The following ZC3H12B variants were observed in gnomAD, a reference collection of about 807,000 sequenced individuals.
ZC3H12B encodes the protein probable ribonuclease ZC3H12B.
ZC3H12B carries 7 observed loss-of-function variants against 43.9 expected under a neutral mutation model. That is an observed-to-expected ratio of 0.16 (90% CI 0.09 to 0.30). The LOEUF (loss-of-function observed/expected upper bound fraction) is 0.30, where lower values mean the gene tolerates loss of function less well. Ranked by LOEUF, ZC3H12B falls within the 10% of genes least tolerant of loss-of-function variation. ZC3H12B has a pLI of 1.00. For synonymous variants in ZC3H12B, 222 were observed against 241.7 expected (o/e 0.92, Z 0.76); for missense variants, 475 against 670.2 (o/e 0.71, Z 3.22).
chrX:65,131,693 G>A, the ZC3H12B span, among the ~76,000 whole-genome samples: 1 of 111,706 alleles, frequency 9.0e-6, no homozygotes, highest in Non-Finnish European at 1.9e-5. Flanking sequence ...GGAAGGAAAG[G>A]AATTGTTGTT....
intron 2 of ZC3H12B, among the ~76,000 whole-genome samples, chrX:65,377,990 T>C (rs767178428): frequency 1.6e-4 from 18 of 110,293 alleles, no homozygotes; most frequent in Non-Finnish European, 3.0e-4. Context: ...TCCCAGCTAC[T>C]CGGGAGACTG....
intron 2 of ZC3H12B, among the ~76,000 whole-genome samples, chrX:65,379,338 C>G (rs1261787540): frequency 9.0e-6 from 1 of 111,515 alleles, no homozygotes; most frequent in Non-Finnish European, 1.9e-5. Context: ...CACCCCCCAG[C>G]AAGGGCAGAC....
intron 3 of ZC3H12B, among the ~76,000 whole-genome samples, chrX:65,475,306 G>A (rs1602507038): frequency 8.9e-6 from 1 of 111,748 alleles, no homozygotes; most frequent in South Asian, 3.7e-4. Context: ...AGTTTGAAGA[G>A]TTCCCATAAA....
the ZC3H12B span, among the ~76,000 whole-genome samples, chrX:65,163,346 T>C: frequency 9.0e-6 from 1 of 111,486 alleles, no homozygotes. Context: ...TGCTGTCTTT[T>C]TGTTTGTCTG....
chrX:65,443,193 G>T (rs1207432598), intron 3 of ZC3H12B, among the ~76,000 whole-genome samples: 1 of 111,406 alleles, frequency 9.0e-6, no homozygotes, highest in Non-Finnish European at 1.9e-5. Flanking sequence ...CTGTCCCATT[G>T]TTACCCTGAC....
At chrX:65,119,468 A>G in the ZC3H12B span, among the ~76,000 whole-genome samples, 52 of 112,119 alleles carry the variant, frequency 4.6e-4, 1 homozygote, top group Middle Eastern at 0.018. Context: ...GTGTCCGTTC[A>G]TATCCTTCAT....
the ZC3H12B span, among the ~76,000 whole-genome samples, chrX:65,116,333 GC>G: frequency 9.0e-6 from 1 of 110,880 alleles, no homozygotes; most frequent in Non-Finnish European, 1.9e-5. Flanking sequence ...GTTTCTGTTT[GC>G]TTTGTCTAAC....
chrX:65,383,090 T>C (rs1192267688), intron 2 of ZC3H12B, among the ~76,000 whole-genome samples: 1 of 111,430 alleles, frequency 9.0e-6, no homozygotes, highest in African/African-American at 3.3e-5. Context: ...CTTCACAGAA[T>C]TGGAAAAATC....
intron 3 of ZC3H12B, among the ~76,000 whole-genome samples, chrX:65,437,535 G>A (rs1022471816): frequency 1.8e-5 from 2 of 112,066 alleles, no homozygotes; most frequent in African/African-American, 3.2e-5. Flanking sequence ...TTTGGCATTT[G>A]TATGTCTTCT....
chrX:65,345,545 G>T, the ZC3H12B span, among the ~76,000 whole-genome samples: 1 of 111,238 alleles, frequency 9.0e-6, no homozygotes, highest in Middle Eastern at 4.7e-3. Flanking sequence ...CCTACTGGAG[G>T]GTGGAGTGTG....
At chrX:65,368,018 AT>A (rs749454640) in intron 1 of ZC3H12B, among the ~76,000 whole-genome samples, 67 of 112,275 alleles carry the variant, frequency 6.0e-4, no homozygotes, top group African/African-American at 2.1e-3. Context: ...CTTCTGGACC[AT>A]AGTTTAATGA....
chrX:65,039,907 A>G, the ZC3H12B span, among the ~76,000 whole-genome samples: 3 of 111,219 alleles, frequency 2.7e-5, no homozygotes, highest in African/African-American at 9.8e-5. Context: ...GGATCCTTTC[A>G]TTTGGATTGT....
chrX:65,084,726 C>T, the ZC3H12B span, among the ~76,000 whole-genome samples: 1 of 112,573 alleles, frequency 8.9e-6, no homozygotes, highest in Non-Finnish European at 1.9e-5. Context: ...GAAAATTGAG[C>T]TACTATGCGA....
upstream of ZC3H12B, among the ~76,000 whole-genome samples, chrX:65,364,174 G>A (rs185080548): frequency 9.0e-6 from 1 of 110,561 alleles, no homozygotes; most frequent in African/African-American, 3.3e-5. Context: ...TATCATTGAG[G>A]CTACCGCTCT....
At chrX:65,404,832 A>T (rs1236973027) in intron 3 of ZC3H12B, among the ~76,000 whole-genome samples, 1 of 112,147 alleles carries the variant, frequency 8.9e-6, no homozygotes, top group African/African-American at 3.2e-5. Flanking sequence ...ATCAGACTTG[A>T]TCTGCAGTAT....
intron 2 of ZC3H12B, among the ~76,000 whole-genome samples, chrX:65,388,919 C>T (rs1007711562): frequency 8.9e-6 from 1 of 111,904 alleles, no homozygotes; most frequent in African/African-American, 3.2e-5. Flanking sequence ...ATCCTGTTTC[C>T]TGGGTATCAG....
chrX:65,146,979 A>G, the ZC3H12B span, among the ~76,000 whole-genome samples: 33 of 111,875 alleles, frequency 2.9e-4, no homozygotes, highest in Admixed American at 3.1e-3. Context: ...AAGCCTCCAC[A>G]TGCCACTCTG....
the ZC3H12B span, among the ~76,000 whole-genome samples, chrX:65,354,911 GA>G: frequency 2.7e-5 from 3 of 111,114 alleles, no homozygotes; most frequent in East Asian, 2.8e-4. Context: ...CAAGATTAGA[GA>G]AAAAAAATGA....
the ZC3H12B span, among the ~76,000 whole-genome samples, chrX:65,248,923 G>A: frequency 1.8e-5 from 2 of 111,322 alleles, no homozygotes; most frequent in Non-Finnish European, 3.8e-5. Context: ...TTTTTGATGG[G>A]ATTGTTTGTT....
Sources: gnomAD v4.1 joint callset for allele counts (sites outside exome capture counted in the v4.1 genomes callset) on GRCh38, gnomAD v4.1.1 for gene constraint, MANE v1.5 for transcripts, NCBI Gene and HGNC (gene_info 2026-07-23, HGNC 2026-07-21) for gene names.